Variants in CD96 observed in about 807,000 individuals in gnomAD.
CD96 encodes the protein T-cell surface protein tactile.
A neutral mutation model predicts 71.3 loss-of-function variants in CD96; 70 were observed. The ratio of observed to expected loss-of-function variants is 0.98; its 90% CI spans 0.81 to 1.20. The LOEUF (loss-of-function observed/expected upper bound fraction) is 1.20, where lower values mean the gene tolerates loss of function less well. CD96 is among the 50% of genes most tolerant of loss of function. CD96 has a pLI of 0.00. For synonymous variants in CD96, 248 were observed against 233.0 expected, an observed-to-expected ratio of 1.06 and a Z score of -0.59; for missense variants, 742 against 677.5, an observed-to-expected ratio of 1.10 and a Z score of -1.06.
downstream of CD96, among the ~76,000 whole-genome samples, chr3:111,653,143 A>T (rs566567708): frequency 6.6e-6 from 1 of 152,140 alleles, no homozygotes. Context: ...CTATGATTGG[A>T]TTCACTCTCT....
At chr3:111,617,341 G>A (rs908106561) in intron 8 of CD96, among the ~76,000 whole-genome samples, 15 of 152,210 alleles carry the variant, frequency 9.9e-5, no homozygotes, top group African/African-American at 3.6e-4. Context: ...CCATGGATAT[G>A]AGTAATAACT....
Position 111,652,049 on chromosome 3 carries a change from G to A in CD96, c.*2243G>A, listed in dbSNP as rs1239102493. The A allele has an allele frequency of 6.6e-6, 1 of 152,088 alleles. No individual in the cohort carries two copies. The highest frequency in any genetic ancestry group is 1.5e-5 in the Non-Finnish European group (1 of 68,018). The allele number at this position is 152,088 out of a possible 1,614,324, so 9.4% of individuals were successfully genotyped here. ...TCTTCAGATAATTGCAACTTCAGTT[G>A]ATCTTTTGACCAAGACCTCAAGAGA... is the stretch of plus-strand genomic sequence containing the variant. On this transcript the variant is annotated 3_prime_UTR_variant, in exon 14 of 14. Transcript: ENST00000352690.
intron 13 of CD96, among the ~76,000 whole-genome samples, chr3:111,649,351 A>T (rs1455478778): frequency 6.6e-6 from 1 of 152,204 alleles, no homozygotes. Context: ...CATTTCCTGC[A>T]CACAAAGTAA....
rs755034342 is a variant in CD96, at chr3:111,579,236, T to G, written c.751+2T>G. On this transcript the variant is annotated splice_donor_variant, in intron 4 of 13. Coordinates refer to ENST00000352690, the MANE Select transcript of CD96 (RefSeq NM_005816.5). LOFTEE classifies it high-confidence loss of function. Reference sequence around the variant, plus strand: ...GCTCCACCACAGTCAAGGTTTTTGGTAAGGGCTTTTGTTCTACAGACTCAC... The same window carrying G: ...GCTCCACCACAGTCAAGGTTTTTGGGAAGGGCTTTTGTTCTACAGACTCAC... 1 of 1,541,356 alleles carries G rather than the reference T, an allele frequency of 6.5e-7. No individual in the cohort carries two copies. The highest frequency in any genetic ancestry group is 1.1e-5 in the South Asian group (1 of 89,622).
intron 13 of CD96, among the ~76,000 whole-genome samples, chr3:111,649,393 G>A (rs1403472902): frequency 6.6e-6 from 1 of 152,144 alleles, no homozygotes; most frequent in African/African-American, 2.4e-5. Context: ...TGCACACAAA[G>A]TAAATAATGT....
chr3:111,573,003 G>A (rs1269726693), intron 3 of CD96, among the ~76,000 whole-genome samples: 1 of 152,064 alleles, frequency 6.6e-6, no homozygotes, highest in African/African-American at 2.4e-5. Context: ...CAGCATGAGG[G>A]GTAACTAAGT....
intron 5 of CD96, among the ~76,000 whole-genome samples, chr3:111,586,474 T>C (rs1936719862): frequency 6.6e-6 from 1 of 152,328 alleles, no homozygotes; most frequent in Middle Eastern, 3.4e-3. Context: ...GCCAGTTTCA[T>C]ATATTAGTCT....
intron 12 of CD96, among the ~76,000 whole-genome samples, chr3:111,647,088 TA>T (rs11337310): frequency 0.3 from 29,640 of 98,900 alleles, 3,883 homozygotes; most frequent in African/African-American, 0.44. Flanking sequence ...GGGTAAAGAT[TA>T]AAAAAAAAAA....
chr3:111,548,629 A>C (rs1428135960), intron 2 of CD96, among the ~76,000 whole-genome samples: 2 of 152,204 alleles, frequency 1.3e-5, no homozygotes, highest in Non-Finnish European at 2.9e-5. Context: ...ATCAGTTATA[A>C]GAGTATAACA....
chr3:111,635,447 G>A (rs1330546933), intron 10 of CD96, among the ~76,000 whole-genome samples: 1 of 152,106 alleles, frequency 6.6e-6, no homozygotes, highest in African/African-American at 2.4e-5. Context: ...GTTAGTAGAA[G>A]TCCAAAAAGA....
chr3:111,628,462 G>A (rs1417362875), intron 10 of CD96, among the ~76,000 whole-genome samples: 1 of 152,122 alleles, frequency 6.6e-6, no homozygotes, highest in Non-Finnish European at 1.5e-5. Flanking sequence ...AAATAAGACA[G>A]GCCAACAAAA....
chr3:111,593,706 C>T (rs200890861), intron 5 of CD96: 455 of 1,614,116 alleles, frequency 2.8e-4, no homozygotes, highest in Non-Finnish European at 3.6e-4. Flanking sequence ...CATTCCACTG[C>T]CCTTTCCCTC....
At chr3:111,602,368 A>G (rs566107276) in intron 7 of CD96, among the ~76,000 whole-genome samples, 4 of 152,290 alleles carry the variant, frequency 2.6e-5, no homozygotes, top group African/African-American at 9.6e-5. Flanking sequence ...TGATTCTGAT[A>G]CTGAAAACAT....
intron 10 of CD96, among the ~76,000 whole-genome samples, chr3:111,625,039 G>A (rs1938682354): frequency 6.6e-6 from 1 of 152,242 alleles, no homozygotes; most frequent in Admixed American, 6.5e-5. Flanking sequence ...GAGGACGATG[G>A]ATGCCACAGG....
intron 3 of CD96, among the ~76,000 whole-genome samples, chr3:111,577,205 C>A (rs1936257944): frequency 6.6e-6 from 1 of 152,174 alleles, no homozygotes; most frequent in Non-Finnish European, 1.5e-5. Context: ...TTTCCCACAA[C>A]AAAGTGACAG....
At chr3:111,571,645 C>G (rs912708907) in intron 3 of CD96, among the ~76,000 whole-genome samples, 1 of 152,152 alleles carries the variant, frequency 6.6e-6, no homozygotes, top group Admixed American at 6.5e-5. Context: ...CACCATGATA[C>G]CAACAACTTG....
intron 4 of CD96, among the ~76,000 whole-genome samples, chr3:111,582,739 T>C (rs890887026): frequency 6.6e-6 from 1 of 152,152 alleles, no homozygotes; most frequent in East Asian, 1.9e-4. Flanking sequence ...ATCAAAAGCA[T>C]AAATGCCTGA....
intron 7 of CD96, among the ~76,000 whole-genome samples, chr3:111,603,504 C>T (rs1366048344): frequency 6.6e-6 from 1 of 151,718 alleles, no homozygotes; most frequent in African/African-American, 2.4e-5. Flanking sequence ...CATGGCACTG[C>T]TGAGTCTATT....
intron 10 of CD96, among the ~76,000 whole-genome samples, chr3:111,626,639 A>T (rs1329930109): frequency 6.6e-6 from 1 of 152,206 alleles, no homozygotes; most frequent in African/African-American, 2.4e-5. Context: ...AAATGTTTGG[A>T]GGAAACACTG....
Sources: gnomAD v4.1 joint callset for allele counts (sites outside exome capture counted in the v4.1 genomes callset) on GRCh38, gnomAD v4.1.1 for gene constraint, MANE v1.5 for transcripts, NCBI Gene and HGNC (gene_info 2026-07-23, HGNC 2026-07-21) for gene names.